B3GALT1: variants seen among roughly 807,000 people sequenced by gnomAD.
B3GALT1 encodes UDP-Gal:betaGlcNAc beta 1,3-galactosyltransferase, polypeptide 1.
A neutral mutation model predicts 23.2 loss-of-function variants in B3GALT1; 10 were observed. The ratio of observed to expected loss-of-function variants is 0.43; its 90% CI spans 0.27 to 0.73. The LOEUF (loss-of-function observed/expected upper bound fraction) is 0.73, where lower values mean the gene tolerates loss of function less well. Ranked by LOEUF, B3GALT1 falls within the 30% of genes least tolerant of loss-of-function variation. The pLI is 0.21. For synonymous variants in B3GALT1, 156 were observed against 141.5 expected, an observed-to-expected ratio of 1.10 and a Z score of -0.73; for missense variants, 299 against 405.4, an observed-to-expected ratio of 0.74 and a Z score of 2.25.
intron 1 of B3GALT1, among the ~76,000 whole-genome samples, chr2:167,339,139 A>G (rs13395423): frequency 0.013 from 2,024 of 152,288 alleles, 27 homozygotes; most frequent in Admixed American, 0.035. Context: ...GACATGTGGA[A>G]GAAGAAACTC....
intron 3 of B3GALT1, among the ~76,000 whole-genome samples, chr2:167,657,826 TA>T (rs1685981386): frequency 6.6e-6 from 1 of 152,138 alleles, no homozygotes; most frequent in South Asian, 2.1e-4. Flanking sequence ...TAAAAATCAT[TA>T]AACATTATTT....
chr2:167,536,080 T>G (rs1683418153), intron 2 of B3GALT1, among the ~76,000 whole-genome samples: 1 of 152,170 alleles, frequency 6.6e-6, no homozygotes, highest in African/African-American at 2.4e-5. Flanking sequence ...CTAATTTTTG[T>G]ACTTTTAGTA....
At chr2:167,386,511 A>G (rs1697931645) in intron 1 of B3GALT1, among the ~76,000 whole-genome samples, 1 of 152,132 alleles carries the variant, frequency 6.6e-6, no homozygotes, top group South Asian at 2.1e-4. Flanking sequence ...TTTTCTTTAG[A>G]TTCTCAGTAC....
chr2:167,867,101 T>C (rs1028640174), intron 4 of B3GALT1, among the ~76,000 whole-genome samples: 12 of 152,158 alleles, frequency 7.9e-5, no homozygotes, highest in Admixed American at 3.3e-4. Flanking sequence ...TAATTTTTTG[T>C]ATTTTTAGTA....
chr2:167,512,544 A>ACG lies in B3GALT1; in HGVS notation c.-410+22267_-410+22268insCG, dbSNP rs1553463216. Among the ~76,000 whole-genome samples the ACG allele has an allele frequency of 1.6e-3, 114 of 73,336 alleles. 2 individuals are homozygous for ACG. The highest frequency in any genetic ancestry group is 7.1e-3 in the African/African-American group (94 of 13,298). The allele number at this position is 73,336 out of a possible 152,430, so 48.1% of individuals were successfully genotyped here. ...TATATATGTGTGTGTGTATATATAT[A>ACG]TGTATATATATGTATATATATATGT... is the stretch of plus-strand genomic sequence containing the variant. On this transcript the variant is annotated intron_variant, in intron 2 of 4. Coordinates refer to ENST00000392690, the MANE Select transcript of B3GALT1 (RefSeq NM_020981.4).
intron 3 of B3GALT1, among the ~76,000 whole-genome samples, chr2:167,764,837 T>C (rs566530991): frequency 6.6e-6 from 1 of 152,304 alleles, no homozygotes; most frequent in East Asian, 1.9e-4. Flanking sequence ...TCTTGATCCC[T>C]GCTAGTAGTA....
At chr2:167,296,112 A>G (rs1054359222) in intron 1 of B3GALT1, among the ~76,000 whole-genome samples, 2 of 152,200 alleles carry the variant, frequency 1.3e-5, no homozygotes, top group Middle Eastern at 3.2e-3. Flanking sequence ...CATATATTCT[A>G]GATGAATTTT....
At chr2:167,301,649 C>G (rs1304470869) in intron 1 of B3GALT1, among the ~76,000 whole-genome samples, 1 of 152,202 alleles carries the variant, frequency 6.6e-6, no homozygotes, top group Non-Finnish European at 1.5e-5. Context: ...CTCCCAGGTT[C>G]AAGCGATTCT....
chr2:167,396,551 TG>T (rs1698101353), intron 1 of B3GALT1, among the ~76,000 whole-genome samples: 1 of 151,200 alleles, frequency 6.6e-6, no homozygotes, highest in Non-Finnish European at 1.5e-5. Flanking sequence ...TGTGTGTGTG[TG>T]TGTGTGTGTG....
chr2:167,440,625 T>G (rs1698867120), intron 1 of B3GALT1, among the ~76,000 whole-genome samples: 1 of 152,102 alleles, frequency 6.6e-6, no homozygotes, highest in African/African-American at 2.4e-5. Context: ...GTTCTGAATT[T>G]AGCTTAGCTA....
chr2:167,441,034 A>G (rs1698885283), intron 1 of B3GALT1, among the ~76,000 whole-genome samples: 1 of 152,188 alleles, frequency 6.6e-6, no homozygotes, highest in Admixed American at 6.5e-5. Context: ...ACTAGTTGCT[A>G]GACTGGGTTT....
At chr2:167,616,453 A>G (rs1685164034) in intron 2 of B3GALT1, among the ~76,000 whole-genome samples, 2 of 152,086 alleles carry the variant, frequency 1.3e-5, no homozygotes, top group African/African-American at 2.4e-5. Context: ...ATGTAATCCC[A>G]GCACTTTGGG....
chr2:167,522,294 C>A (rs1700202335), intron 2 of B3GALT1, among the ~76,000 whole-genome samples: 1 of 151,948 alleles, frequency 6.6e-6, no homozygotes, highest in Non-Finnish European at 1.5e-5. Flanking sequence ...TATACAAAAT[C>A]TTCTCCAGAT....
chr2:167,723,527 C>CT (rs77413935), intron 3 of B3GALT1, among the ~76,000 whole-genome samples: 2,224 of 145,128 alleles, frequency 0.015, 18 homozygotes, highest in Non-Finnish European at 0.022. Context: ...TCTTTCTTTC[C>CT]TTTTTTTTTT....
chr2:167,307,815 C>T (rs1223231886), intron 1 of B3GALT1, among the ~76,000 whole-genome samples: 4 of 151,976 alleles, frequency 2.6e-5, no homozygotes, highest in Non-Finnish European at 5.9e-5. Context: ...AAATTCCCCA[C>T]TCGTACCAGT....
intron 1 of B3GALT1, among the ~76,000 whole-genome samples, chr2:167,392,577 A>T (rs1230064133): frequency 6.6e-6 from 1 of 152,152 alleles, no homozygotes; most frequent in Non-Finnish European, 1.5e-5. Context: ...CCTTGTCTTG[A>T]GATGTATTAA....
chr2:167,316,847 G>T (rs1230317163), intron 1 of B3GALT1, among the ~76,000 whole-genome samples: 1 of 152,048 alleles, frequency 6.6e-6, no homozygotes, highest in Non-Finnish European at 1.5e-5. Flanking sequence ...TCGAGTCCTT[G>T]TCACAGGGTC....
At chr2:167,601,767 G>A (rs1366263497) in intron 2 of B3GALT1, among the ~76,000 whole-genome samples, 1 of 152,172 alleles carries the variant, frequency 6.6e-6, no homozygotes, top group Non-Finnish European at 1.5e-5. Flanking sequence ...AGAAGTGCTT[G>A]ACTAGTGACA....
intron 3 of B3GALT1, among the ~76,000 whole-genome samples, chr2:167,794,481 A>G (rs1306572210): frequency 6.6e-6 from 1 of 152,214 alleles, no homozygotes; most frequent in Non-Finnish European, 1.5e-5. Context: ...AGCATTTAAT[A>G]AACAAAAATT....
Sources: gnomAD v4.1 joint callset for allele counts (sites outside exome capture counted in the v4.1 genomes callset) on GRCh38, gnomAD v4.1.1 for gene constraint, MANE v1.5 for transcripts, NCBI Gene and HGNC (gene_info 2026-07-23, HGNC 2026-07-21) for gene names.